Variants in TRAPPC9 observed in about 807,000 individuals in gnomAD.
TRAPPC9 encodes the protein trafficking protein particle complex subunit 9, also known as IKK2 binding protein.
Under a neutral mutation model 124.0 loss-of-function variants are expected in TRAPPC9, and 83 were observed. The ratio of observed to expected loss-of-function variants is 0.67; its 90% CI spans 0.56 to 0.80. TRAPPC9 has a LOEUF of 0.80. Ranked by LOEUF, TRAPPC9 falls within the 30% of genes least tolerant of loss-of-function variation. The pLI is 0.00. For missense variants in TRAPPC9, 1,302 were observed against 1,508.3 expected, an observed-to-expected ratio of 0.86 and a Z score of 2.27; for synonymous variants, 638 against 617.5, an observed-to-expected ratio of 1.03 and a Z score of -0.49.
intron 19 of TRAPPC9, among the ~76,000 whole-genome samples, chr8:139,936,042 C>A (rs902687481): frequency 1.3e-5 from 2 of 152,234 alleles, no homozygotes; most frequent in Non-Finnish European, 2.9e-5. Context: ...CGAGCACAGG[C>A]CTGGAGTGGC....
intron 21 of TRAPPC9, among the ~76,000 whole-genome samples, chr8:139,863,954 G>C (rs1828347317): frequency 6.6e-6 from 1 of 152,204 alleles, no homozygotes; most frequent in East Asian, 1.9e-4. Flanking sequence ...ACAGTTCCCA[G>C]CCAGGACTGG....
In TRAPPC9 at chr8:140,036,215, G is replaced by A. The variant is rs61293729; in HGVS notation, c.2557-12136C>T. 6.5e-3 allele frequency among the ~76,000 whole-genome samples: 820 copies of A among 127,048 alleles called. 14 individuals are homozygous for A. The highest frequency in any genetic ancestry group is 0.02 in the African/African-American group (772 of 39,024). The allele number at this position is 127,048 out of a possible 152,430, so 83.3% of individuals were successfully genotyped here. ...TTTTAGCTAAAGGCATGACCTGAACGACTTCTTTAAAAAAAAAAAAAAGAA... is the reference window on the plus strand; with the variant it reads ...TTTTAGCTAAAGGCATGACCTGAACAACTTCTTTAAAAAAAAAAAAAAGAA... On this transcript the variant is annotated intron_variant, in intron 17 of 22. Transcript: ENST00000438773.
intron 18 of TRAPPC9, among the ~76,000 whole-genome samples, chr8:139,991,587 T>TG (rs1491160592): frequency 7.4e-6 from 1 of 134,330 alleles, no homozygotes; most frequent in Non-Finnish European, 1.7e-5. Context: ...TTTTTGGGTT[T>TG]GTTTTTTTTT....
intron 21 of TRAPPC9, among the ~76,000 whole-genome samples, chr8:139,832,823 C>A (rs1368388325): frequency 6.6e-6 from 1 of 152,120 alleles, no homozygotes; most frequent in South Asian, 2.1e-4. Flanking sequence ...CCTTGGATAG[C>A]GTCCTCCCCA....
At chr8:140,026,048 T>C (rs374581294) in intron 17 of TRAPPC9, among the ~76,000 whole-genome samples, 4 of 152,174 alleles carry the variant, frequency 2.6e-5, no homozygotes, top group African/African-American at 9.7e-5. Context: ...ATGCTACTTT[T>C]TGTCTTCCTG....
At chr8:140,370,898 G>A (rs2068261394) in intron 8 of TRAPPC9, 66 bp downstream of exon 8, 1 of 1,574,064 alleles carries the variant, frequency 6.4e-7, no homozygotes, top group Admixed American at 1.7e-5. Flanking sequence ...CAGGGCAGGG[G>A]CTGAAACAGC....
intron 7 of TRAPPC9, among the ~76,000 whole-genome samples, chr8:140,371,896 T>G (rs1316103394): frequency 6.6e-6 from 1 of 152,098 alleles, no homozygotes; most frequent in Non-Finnish European, 1.5e-5. Context: ...AGAGACGGGA[T>G]TTCACCATGT....
chr8:140,199,262 G>C (rs970411578), intron 17 of TRAPPC9, among the ~76,000 whole-genome samples: 5 of 152,116 alleles, frequency 3.3e-5, no homozygotes, highest in Non-Finnish European at 4.4e-5. Flanking sequence ...CAGGTCTCCT[G>C]GGGGGTGCTG....
intron 21 of TRAPPC9, among the ~76,000 whole-genome samples, chr8:139,817,862 T>A (rs1824963155): frequency 6.6e-6 from 1 of 152,190 alleles, no homozygotes; most frequent in East Asian, 1.9e-4. Context: ...CAACATGACC[T>A]GCACTCTTGG....
chr8:140,299,151 G>A (rs2065894194), intron 11 of TRAPPC9, among the ~76,000 whole-genome samples: 1 of 152,236 alleles, frequency 6.6e-6, no homozygotes, highest in African/African-American at 2.4e-5. Flanking sequence ...CAGGGGACGA[G>A]TTCCTGGCAA....
rs1271770228 is a variant in TRAPPC9 at position 139,776,547 on chromosome 8, G to GCC, written c.3056-44346_3056-44345insGG. On this transcript the variant is annotated intron_variant, in intron 21 of 22. Coordinates refer to ENST00000438773, the MANE Select transcript of TRAPPC9 (RefSeq NM_001160372.4). This position sits in a 1 kb window ranked among gnomAD's most constrained non-coding sequence, Gnocchi z 4.1. ...CAATAGCGACTGCCTAATTAGGAAG[G>GCC]CACAGCTGACCACCCAGGCCTCATT... 6.6e-6 allele frequency among the ~76,000 whole-genome samples: 1 copy of GCC among 152,176 alleles called. No individual in the cohort carries two copies. Among genetic ancestry groups the GCC allele is most frequent in the Non-Finnish European group, 1.5e-5 (1 of 68,034 alleles).
chr8:140,344,639 G>GA (rs1261386205), intron 9 of TRAPPC9, among the ~76,000 whole-genome samples: 3 of 152,216 alleles, frequency 2.0e-5, no homozygotes, highest in African/African-American at 7.2e-5. Context: ...TGTTCATGCA[G>GA]AAAAAAACAA....
intron 1 of TRAPPC9, 36 bp from the exon 2 acceptor site, chr8:140,451,419 G>T (rs764479570): frequency 1.2e-5 from 19 of 1,551,394 alleles, no homozygotes; most frequent in Non-Finnish European, 1.7e-5. Flanking sequence ...GTGAGACACA[G>T]AGTCCTGAGT....
At chr8:139,985,220 A>G (rs930762940) in intron 19 of TRAPPC9, among the ~76,000 whole-genome samples, 1 of 152,242 alleles carries the variant, frequency 6.6e-6, no homozygotes, top group African/African-American at 2.4e-5. Flanking sequence ...TAATGTCATC[A>G]GCCTCACATT....
Position 139,791,440 on chromosome 8 carries a change from GCA to G in TRAPPC9, c.3056-59240_3056-59239del, listed in dbSNP as rs202041599. Among the ~76,000 whole-genome samples the G allele has an allele frequency of 9.1e-3, 1,345 of 147,714 alleles. 17 individuals are homozygous for G. The highest frequency in any genetic ancestry group is 0.032 in the African/African-American group (1,269 of 39,146). On this transcript the variant is annotated intron_variant, in intron 21 of 22. Transcript: ENST00000438773. ...ACACTCACACAGGTGTGTCTCCTGT[GCA>G]CAGACTCACGGGTACCCGTCTCCCG...
intron 21 of TRAPPC9, among the ~76,000 whole-genome samples, chr8:139,846,767 G>A (rs1038146172): frequency 1.2e-4 from 18 of 152,112 alleles, no homozygotes; most frequent in Admixed American, 1.1e-3. Flanking sequence ...TCCAGTCCCT[G>A]CTGTGCTGGG....
rs931821722 is a variant in TRAPPC9 at position 139,742,449 on chromosome 8, T to G, written c.3056-10247A>C. ...TCCATATTTCAGGAGTTTCTCACAT[T>G]TTGGAGCCTGGGGCCAGACAGCAGG... is the stretch of plus-strand genomic sequence containing the variant. On this transcript the variant is annotated intron_variant, in intron 21 of 22. Coordinates refer to ENST00000438773, the MANE Select transcript of TRAPPC9 (RefSeq NM_001160372.4). This position sits in a 1 kb window ranked among gnomAD's most constrained non-coding sequence, Gnocchi z 4.7. 6.6e-6 allele frequency among the ~76,000 whole-genome samples: 1 copy of G among 152,100 alleles called. No individual in the cohort carries two copies. The highest frequency in any genetic ancestry group is 6.5e-5 in the Admixed American group (1 of 15,276).
At chr8:140,204,002 G>A (rs2062857933) in intron 17 of TRAPPC9, among the ~76,000 whole-genome samples, 1 of 152,204 alleles carries the variant, frequency 6.6e-6, no homozygotes, top group African/African-American at 2.4e-5. Context: ...CGATGATATG[G>A]TTTGGATGTT....
At chr8:140,079,418 C>T (rs994981984) in intron 17 of TRAPPC9, among the ~76,000 whole-genome samples, 87 of 152,106 alleles carry the variant, frequency 5.7e-4, no homozygotes, top group Non-Finnish European at 1.0e-3. Context: ...TGATGAGGCC[C>T]CAGAGAAGTA....
Sources: allele counts gnomAD v4.1 joint callset (sites outside exome capture counted in the v4.1 genomes callset), GRCh38; gene constraint gnomAD v4.1.1; non-coding constraint Gnocchi (gnomAD v3.1); transcripts MANE v1.5; gene names NCBI Gene and HGNC (gene_info 2026-07-23, HGNC 2026-07-21).